SCFD2: variants seen among roughly 807,000 people sequenced by gnomAD.
SCFD2 encodes sec1 family domain-containing protein 2.
Under a neutral mutation model 58.9 loss-of-function variants are expected in SCFD2, and 54 were observed. The observed-to-expected ratio is 0.92, with a 90% CI of 0.74 to 1.15. The LOEUF (loss-of-function observed/expected upper bound fraction) is 1.15. Among genes scored for constraint, SCFD2 ranks in the 50% most tolerant of loss-of-function variants. SCFD2 has a pLI of 0.00. For synonymous variants in SCFD2, 321 were observed against 335.9 expected, an observed-to-expected ratio of 0.96 and a Z score of 0.49; for missense variants, 805 against 836.6, an observed-to-expected ratio of 0.96 and a Z score of 0.47.
chr4:52,993,504 A>T (rs1328246876), intron 5 of SCFD2, among the ~76,000 whole-genome samples: 2 of 152,264 alleles, frequency 1.3e-5, no homozygotes, highest in Admixed American at 6.5e-5. Context: ...ACTAGGATGC[A>T]TATCTAGAAG....
chr4:52,968,934 G>T (rs1308104562), intron 5 of SCFD2, among the ~76,000 whole-genome samples: 1 of 152,160 alleles, frequency 6.6e-6, no homozygotes, highest in Non-Finnish European at 1.5e-5. Context: ...TCACTTTCTT[G>T]TAAAATCCAG....
chr4:53,239,409 G>C (rs1267399574), intron 4 of SCFD2, among the ~76,000 whole-genome samples: 2 of 139,672 alleles, frequency 1.4e-5, no homozygotes, highest in African/African-American at 5.4e-5. Flanking sequence ...AGAGGGAGAG[G>C]GAGAGGGAGA....
chr4:52,901,202 G>C (rs894530620), intron 7 of SCFD2, among the ~76,000 whole-genome samples: 1 of 152,184 alleles, frequency 6.6e-6, no homozygotes, highest in Non-Finnish European at 1.5e-5. Context: ...ACCTCAGTTG[G>C]AAATGCAGAA....
At chr4:53,058,153 TTAAA>T (rs1258979990) in intron 5 of SCFD2, among the ~76,000 whole-genome samples, 4 of 152,186 alleles carry the variant, frequency 2.6e-5, no homozygotes, top group South Asian at 2.1e-4. Flanking sequence ...ACATTCTATC[TTAAA>T]TAATGTTAAG....
chr4:53,131,233 C>T (rs2148899777), intron 5 of SCFD2, among the ~76,000 whole-genome samples: 1 of 152,192 alleles, frequency 6.6e-6, no homozygotes, highest in South Asian at 2.1e-4. Flanking sequence ...AGCTTAAAGG[C>T]ATTAAAATAT....
At chr4:53,175,470 C>G (rs1336702735) in intron 4 of SCFD2, among the ~76,000 whole-genome samples, 1 of 152,118 alleles carries the variant, frequency 6.6e-6, no homozygotes, top group East Asian at 1.9e-4. Flanking sequence ...ATAACTACTT[C>G]TGAAATTTTT....
intron 5 of SCFD2, among the ~76,000 whole-genome samples, chr4:53,089,425 A>ATTTCTTTATGAAAAT (rs555483476): frequency 0.011 from 1,724 of 152,216 alleles, 17 homozygotes; most frequent in Middle Eastern, 0.034. Context: ...GAACCACAAA[A>ATTTCTTTATGAAAAT]TTTCTTTATG....
At chr4:53,167,620 C>T (rs1476897085) in intron 4 of SCFD2, among the ~76,000 whole-genome samples, 1 of 152,148 alleles carries the variant, frequency 6.6e-6, no homozygotes, top group South Asian at 2.1e-4. Flanking sequence ...TATAATCCAA[C>T]AAGTGAATCA....
chr4:53,062,985 C>T (rs140333911), intron 5 of SCFD2, among the ~76,000 whole-genome samples: 1 of 152,156 alleles, frequency 6.6e-6, no homozygotes, highest in African/African-American at 2.4e-5. Flanking sequence ...CCTGGCCCTA[C>T]CAAAATAAAA....
At position 53,250,488 on chromosome 4, in the gene SCFD2, C is replaced by T. The variant is rs181376135; in HGVS notation, c.1311+23338G>A. On this transcript the variant is annotated intron_variant, in intron 4 of 8. Transcript: ENST00000401642. ...TACAGAACTCTCCACCCCAAATCAA[C>T]AGAATATAAAGCTCTCCTCAGCAAA... 8.9e-4 allele frequency among the ~76,000 whole-genome samples: 136 copies of T among 152,044 alleles called. No individual in the cohort carries two copies. The East Asian group carries it at 0.019, about 21-fold the overall frequency.
At position 53,349,353 on chromosome 4, in the gene SCFD2, G is replaced by T. The variant is rs115325235; in HGVS notation, c.1007+3245C>A. Among the ~76,000 whole-genome samples, 1,303 of 152,288 alleles carry T rather than the reference G, an allele frequency of 8.6e-3. 12 individuals carry two copies. The highest frequency in any genetic ancestry group is 0.03 in the African/African-American group (1,240 of 41,546). ...AATATATTCTCCCATACAACATGAC[G>T]TCCAAACATCGTGCATCAAGGAGCT... On this transcript the variant is annotated intron_variant, in intron 2 of 8. Coordinates refer to ENST00000401642, the MANE Select transcript of SCFD2 (RefSeq NM_152540.4).
At chr4:53,107,837 A>T (rs1296148435) in intron 5 of SCFD2, among the ~76,000 whole-genome samples, 12 of 152,236 alleles carry the variant, frequency 7.9e-5, no homozygotes, top group African/African-American at 2.4e-4. Context: ...AATTAACAAG[A>T]ATATTCAGGA....
At chr4:53,330,286 A>G (rs1169995279) in intron 2 of SCFD2, among the ~76,000 whole-genome samples, 4 of 151,946 alleles carry the variant, frequency 2.6e-5, no homozygotes, top group Admixed American at 6.6e-5. Context: ...TCCAAGACAC[A>G]TAATTGTCAG....
chr4:52,973,623 T>C (rs1438152267), intron 5 of SCFD2, among the ~76,000 whole-genome samples: 1 of 152,204 alleles, frequency 6.6e-6, no homozygotes, highest in East Asian at 1.9e-4. Context: ...CTTCTGAAAC[T>C]ATTCCAATCA....
chr4:53,058,964 G>A (rs551069913), intron 5 of SCFD2, among the ~76,000 whole-genome samples: 1 of 152,248 alleles, frequency 6.6e-6, no homozygotes, highest in East Asian at 1.9e-4. Context: ...AAACCATCAA[G>A]TAGCATGCCA....
In SCFD2 at chr4:52,908,058, C is replaced by T. The variant is rs1301334683; in HGVS notation, c.1708-467G>A. 2.0e-5 allele frequency among the ~76,000 whole-genome samples: 3 copies of T among 152,180 alleles called. No homozygotes were observed. In the East Asian group the frequency reaches 5.8e-4, roughly 29 times the overall value. On this transcript the variant is annotated intron_variant, in intron 6 of 8. Transcript: ENST00000401642. Reference sequence around the variant, plus strand: ...GTGCTGTCAATAACCAAGCTTAAAGCAATCCCTCTTCCTTCTACAGAGCTC... The same window carrying T: ...GTGCTGTCAATAACCAAGCTTAAAGTAATCCCTCTTCCTTCTACAGAGCTC...
At chr4:53,226,507 TAATC>T (rs1262953650) in intron 4 of SCFD2, among the ~76,000 whole-genome samples, 2 of 152,168 alleles carry the variant, frequency 1.3e-5, no homozygotes, top group Non-Finnish European at 2.9e-5. Context: ...AAGAATAACT[TAATC>T]AAATTATTTA....
At chr4:52,997,112 C>T (rs1189462691) in intron 5 of SCFD2, among the ~76,000 whole-genome samples, 3 of 152,214 alleles carry the variant, frequency 2.0e-5, no homozygotes, top group Non-Finnish European at 4.4e-5. Flanking sequence ...TAACCATGAC[C>T]TTATTCCCCC....
intron 3 of SCFD2, among the ~76,000 whole-genome samples, chr4:53,298,304 C>T (rs1732124427): frequency 6.6e-6 from 1 of 152,234 alleles, no homozygotes; most frequent in African/African-American, 2.4e-5. Context: ...TTATATCCGG[C>T]ACCTGGCTCA....
Sources: allele counts gnomAD v4.1 joint callset (sites outside exome capture counted in the v4.1 genomes callset), GRCh38; gene constraint gnomAD v4.1.1; transcripts MANE v1.5; gene names NCBI Gene and HGNC (gene_info 2026-07-23, HGNC 2026-07-21).